Variants in OPCML observed in about 807,000 individuals in gnomAD.
OPCML encodes the protein opioid binding protein/cell adhesion molecule like, also known as opioid-binding protein/cell adhesion molecule.
Under a neutral mutation model 37.8 loss-of-function variants are expected in OPCML, and 13 were observed. The observed-to-expected ratio is 0.34, with a 90% confidence interval of 0.22 to 0.55. The LOEUF (loss-of-function observed/expected upper bound fraction) is 0.55. Among genes scored for constraint, OPCML ranks in the 20% least tolerant of loss-of-function variants. The pLI is 0.91. For missense variants in OPCML, 341 were observed against 435.6 expected, an observed-to-expected ratio of 0.78 and a Z score of 1.93; for synonymous variants, 176 against 168.8, an observed-to-expected ratio of 1.04 and a Z score of -0.33.
At chr11:133,161,604 C>G (rs1950142762) in intron 1 of OPCML, among the ~76,000 whole-genome samples, 2 of 152,128 alleles carry the variant, frequency 1.3e-5, no homozygotes, top group African/African-American at 4.8e-5. Flanking sequence ...TGAGGTTCAC[C>G]ACATAATGGA....
At chr11:132,989,955 C>A (rs941604923) in intron 1 of OPCML, among the ~76,000 whole-genome samples, 4 of 152,104 alleles carry the variant, frequency 2.6e-5, no homozygotes, top group African/African-American at 4.8e-5. Context: ...AAGGTCATAT[C>A]AAGAAAAGAA....
chr11:133,002,548 G>T (rs1947024405), intron 1 of OPCML, among the ~76,000 whole-genome samples: 1 of 152,196 alleles, frequency 6.6e-6, no homozygotes, highest in Non-Finnish European at 1.5e-5. Flanking sequence ...TTAGTTCTGT[G>T]TGCCCACAGG....
chr11:132,988,022 T>G (rs1374685910), intron 1 of OPCML, among the ~76,000 whole-genome samples: 4 of 152,224 alleles, frequency 2.6e-5, no homozygotes, highest in Non-Finnish European at 4.4e-5. Flanking sequence ...TAGTTATGAC[T>G]CAACAAGAAA....
At position 133,412,368 on chromosome 11, in the gene OPCML, T is replaced by A. The variant is rs116169908; in HGVS notation, c.61+119896A>T. Among the ~76,000 whole-genome samples, 1,279 of 152,274 alleles carry A rather than the reference T, an allele frequency of 8.4e-3. 21 individuals carry two copies. Among genetic ancestry groups the A allele is most frequent in the African/African-American group, 0.029 (1,215 of 41,560 alleles). The stretch of plus-strand genomic sequence containing the variant: ...CCTCTAAATGTCTGTCACTGATGTC[T>A]ATGGGTCAAACCAACTGGAAACCAG... On this transcript the variant is annotated intron_variant, in intron 1 of 7. Coordinates refer to ENST00000524381, the MANE Select transcript of OPCML (RefSeq NM_001012393.5).
At chr11:132,751,725 G>A (rs1423150465) in intron 2 of OPCML, among the ~76,000 whole-genome samples, 3 of 152,132 alleles carry the variant, frequency 2.0e-5, no homozygotes, top group Admixed American at 2.0e-4. Flanking sequence ...AAGTTCCGTC[G>A]GCATCCAAAG....
chr11:132,500,669 G>T (rs893617034), intron 4 of OPCML, among the ~76,000 whole-genome samples: 1 of 152,004 alleles, frequency 6.6e-6, no homozygotes, highest in Non-Finnish European at 1.5e-5. Flanking sequence ...ATCAACCCAT[G>T]CATTAGCTAT....
chr11:133,153,601 G>A (rs1950017162), intron 1 of OPCML, among the ~76,000 whole-genome samples: 1 of 152,168 alleles, frequency 6.6e-6, no homozygotes, highest in Admixed American at 6.5e-5. Context: ...AAGACTCTAA[G>A]TGGCTCAGCT....
chr11:132,647,932 G>A (rs1490301304), intron 3 of OPCML, among the ~76,000 whole-genome samples: 2 of 152,186 alleles, frequency 1.3e-5, no homozygotes, highest in African/African-American at 4.8e-5. Flanking sequence ...TGAACGAAGA[G>A]TAAAAGACTT....
intron 3 of OPCML, among the ~76,000 whole-genome samples, chr11:132,626,206 A>C (rs1399078565): frequency 6.6e-6 from 1 of 151,564 alleles, no homozygotes; most frequent in Non-Finnish European, 1.5e-5. Flanking sequence ...CTTCTGGGGC[A>C]TGGCTGGAAC....
intron 1 of OPCML, among the ~76,000 whole-genome samples, chr11:133,432,558 T>C (rs1219786499): frequency 6.6e-6 from 1 of 152,180 alleles, no homozygotes; most frequent in Non-Finnish European, 1.5e-5. Context: ...TTTATTCTGC[T>C]TGTAATTTGT....
At chr11:132,712,556 C>T (rs1233658381) in intron 2 of OPCML, among the ~76,000 whole-genome samples, 1 of 152,216 alleles carries the variant, frequency 6.6e-6, no homozygotes, top group Non-Finnish European at 1.5e-5. Flanking sequence ...GGGTCAAACT[C>T]CCACCCCAAG....
intron 1 of OPCML, among the ~76,000 whole-genome samples, chr11:133,273,317 T>A (rs190145447): frequency 7.0e-4 from 107 of 152,134 alleles, no homozygotes; most frequent in Non-Finnish European, 1.4e-3. Context: ...AAGCGACCCC[T>A]GTGAGCCAGC....
chr11:132,755,694 A>G (rs1946016305), intron 2 of OPCML, among the ~76,000 whole-genome samples: 1 of 152,200 alleles, frequency 6.6e-6, no homozygotes, highest in Admixed American at 6.5e-5. Flanking sequence ...TGAGGTATGG[A>G]ACGGTTACTT....
At chr11:133,326,892 G>A (rs1018298148) in intron 1 of OPCML, among the ~76,000 whole-genome samples, 3 of 146,410 alleles carry the variant, frequency 2.0e-5, no homozygotes, top group Non-Finnish European at 3.0e-5. Flanking sequence ...ATAAGTGAGG[G>A]AGGTGTGGGT....
chr11:132,854,949 G>A (rs543854146), intron 2 of OPCML, among the ~76,000 whole-genome samples: 3 of 152,260 alleles, frequency 2.0e-5, no homozygotes, highest in African/African-American at 7.2e-5. Context: ...AGCATGGAAG[G>A]GATTTAGTTT....
intron 1 of OPCML, among the ~76,000 whole-genome samples, chr11:133,377,665 A>G (rs1018378968): frequency 1.1e-4 from 16 of 146,994 alleles, no homozygotes; most frequent in African/African-American, 4.0e-4. Flanking sequence ...TAGAGCAGAC[A>G]TGTGCTAATA....
chr11:133,307,442 G>A (rs1419035329), intron 1 of OPCML, among the ~76,000 whole-genome samples: 1 of 152,158 alleles, frequency 6.6e-6, no homozygotes, highest in Non-Finnish European at 1.5e-5. Flanking sequence ...ATTTTACAGT[G>A]TACATAATAC....
intron 1 of OPCML, among the ~76,000 whole-genome samples, chr11:133,342,419 C>T (rs768588247): frequency 3.9e-5 from 6 of 152,130 alleles, no homozygotes; most frequent in South Asian, 4.1e-4. Context: ...AAATCGAAGG[C>T]GATCTGCTCC....
chr11:133,187,471 C>T (rs962159180), intron 1 of OPCML, among the ~76,000 whole-genome samples: 4 of 152,146 alleles, frequency 2.6e-5, no homozygotes, highest in Non-Finnish European at 1.5e-5. Context: ...TTGCTCTCTA[C>T]CCCAAATGTG....
Sources: gnomAD v4.1 joint callset for allele counts (sites outside exome capture counted in the v4.1 genomes callset) on GRCh38, gnomAD v4.1.1 for gene constraint, MANE v1.5 for transcripts, NCBI Gene and HGNC (gene_info 2026-07-23, HGNC 2026-07-21) for gene names.